The following ZNF618 variants were observed in gnomAD, a reference collection of about 807,000 sequenced individuals.
ZNF618 encodes the protein zinc finger protein 618, also known as neural precursor cell expressed, developmentally down-regulated 10.
In ZNF618, 34 loss-of-function variants were observed where a neutral mutation model predicts 103.0. That is an observed-to-expected ratio of 0.33 (90% confidence interval 0.25 to 0.44). ZNF618 has a LOEUF of 0.44. ZNF618 is among the 20% of genes least tolerant of loss of function. The probability of loss-of-function intolerance (pLI) is 1.00; values close to 1 mark genes in which losing one functional copy is unlikely to be tolerated. For synonymous variants in ZNF618, 551 were observed against 542.2 expected (o/e 1.02, Z -0.23); for missense variants, 1,059 against 1,295.4 (o/e 0.82, Z 2.80).
At chr9:113,986,213 C>T (rs140867106) in intron 2 of ZNF618, among the ~76,000 whole-genome samples, 11 of 152,324 alleles carry the variant, frequency 7.2e-5, no homozygotes, top group African/African-American at 2.6e-4. Flanking sequence ...CCTGTTACCT[C>T]CATTTTGCAG....
chr9:113,916,359 G>A (rs960609125), intron 1 of ZNF618, among the ~76,000 whole-genome samples: 1 of 152,182 alleles, frequency 6.6e-6, no homozygotes, highest in Non-Finnish European at 1.5e-5. Context: ...TTCATTTGCT[G>A]TTTGTGCCTT....
chr9:114,022,034 A>T (rs1177039317), intron 10 of ZNF618, among the ~76,000 whole-genome samples: 2 of 152,130 alleles, frequency 1.3e-5, no homozygotes, highest in African/African-American at 2.4e-5. Flanking sequence ...TTCTGGAGCT[A>T]ATACAAATAA....
chr9:114,026,545 G>A (rs1257563176), intron 10 of ZNF618, among the ~76,000 whole-genome samples: 1 of 152,240 alleles, frequency 6.6e-6, no homozygotes, highest in Non-Finnish European at 1.5e-5. Flanking sequence ...CAGAAACTCT[G>A]TTCCTGTGTG....
At chr9:113,950,659 C>G (rs1187935188) in intron 1 of ZNF618, among the ~76,000 whole-genome samples, 1 of 152,174 alleles carries the variant, frequency 6.6e-6, no homozygotes, top group African/African-American at 2.4e-5. Flanking sequence ...GTCTCTGCCT[C>G]CAGGCTGCCC....
At chr9:114,011,157 T>G (rs758197051) in intron 9 of ZNF618, among the ~76,000 whole-genome samples, 28 of 152,240 alleles carry the variant, frequency 1.8e-4, no homozygotes, top group Non-Finnish European at 3.4e-4. Context: ...ACCAGTTTTC[T>G]AATCTGTCTA....
chr9:113,959,355 C>CT (rs1836627358), intron 1 of ZNF618, among the ~76,000 whole-genome samples: 1 of 152,140 alleles, frequency 6.6e-6, no homozygotes, highest in Non-Finnish European at 1.5e-5. Flanking sequence ...AAAAACCTCA[C>CT]TCTTTGAAAC....
chr9:114,020,814 A>T (rs1320560324), intron 10 of ZNF618, among the ~76,000 whole-genome samples: 5 of 151,798 alleles, frequency 3.3e-5, no homozygotes. Context: ...TATTCTGGTT[A>T]GGTCCCTCCA....
chr9:113,923,500 A>G (rs1286104573), intron 1 of ZNF618, among the ~76,000 whole-genome samples: 1 of 152,098 alleles, frequency 6.6e-6, no homozygotes, highest in Non-Finnish European at 1.5e-5. Flanking sequence ...TTTTATTATG[A>G]ATGAGTGTCA....
rs1485946230 is a variant in ZNF618 at position 113,894,202 on chromosome 9, AT to A, written c.33+17790del. Among the ~76,000 whole-genome samples the A allele has an allele frequency of 1.2e-4, 18 of 152,144 alleles. No individual in the cohort carries two copies. In the East Asian group the frequency reaches 2.5e-3, roughly 21 times the overall value. ...TATGCTGATAGTTTGTATTTGGAGG[AT>A]GATTCTTCATCTTTCAAAATCTTAA... is the stretch of plus-strand genomic sequence containing the variant. On this transcript the variant is annotated intron_variant, in intron 1 of 14. Coordinates refer to ENST00000374126, the MANE Select transcript of ZNF618 (RefSeq NM_001318042.2).
In ZNF618 at chr9:114,007,341, C is replaced by A; in HGVS notation, c.551-9C>A. 1 of 1,612,976 alleles carries A rather than the reference C, an allele frequency of 6.2e-7. No homozygotes were observed. ...CTGGTAACCAGGTGTGTGTTTTCATCCCATGCAGACAATTTCAGGTACACA... is the reference window on the plus strand; with the variant it reads ...CTGGTAACCAGGTGTGTGTTTTCATACCATGCAGACAATTTCAGGTACACA... On this transcript the variant is annotated splice_polypyrimidine_tract_variant and intron_variant, in intron 6 of 14. Transcript: ENST00000374126.
intron 1 of ZNF618, among the ~76,000 whole-genome samples, chr9:113,957,943 C>T (rs16910968): frequency 0.052 from 7,896 of 151,874 alleles, 247 homozygotes; most frequent in African/African-American, 0.088. Flanking sequence ...GGTTTTAACT[C>T]GCTCCAGGCG....
rs1325038529 is a variant in ZNF618 at position 114,050,181 on chromosome 9, G to T, written c.*14G>T. ...AACATGCTTTAAGACTTGACTTCGGGGGAAAAAAAAAGAAAAAGAGAAGAT... is the reference window on the plus strand; with the variant it reads ...AACATGCTTTAAGACTTGACTTCGGTGGAAAAAAAAAGAAAAAGAGAAGAT... On this transcript the variant is annotated 3_prime_UTR_variant, in exon 15 of 15. Coordinates refer to ENST00000374126, the MANE Select transcript of ZNF618 (RefSeq NM_001318042.2). The T allele has an allele frequency of 1.3e-6, 2 of 1,520,530 alleles. No individual in the cohort carries two copies. The highest frequency in any genetic ancestry group is 1.7e-6 in the Non-Finnish European group (2 of 1,143,148). 94.2% of individuals were successfully genotyped at this position (1,520,530 alleles called of 1,614,324 possible).
At position 113,925,549 on chromosome 9, in the gene ZNF618, T is replaced by A. The variant is rs192800310; in HGVS notation, c.34-43568T>A. 9.6e-4 allele frequency among the ~76,000 whole-genome samples: 146 copies of A among 152,164 alleles called. 1 individual carries two copies. Among genetic ancestry groups the A allele is most frequent in the South Asian group, 9.3e-3 (45 of 4,826 alleles). The stretch of plus-strand genomic sequence containing the variant: ...TGGTATATTAATATTACCACATTTA[T>A]AATTGTTTTCTATTTGTTGCCCTTG... On this transcript the variant is annotated intron_variant, in intron 1 of 14. Transcript: ENST00000374126.
intron 1 of ZNF618, among the ~76,000 whole-genome samples, chr9:113,950,314 C>A (rs1835442861): frequency 6.6e-6 from 1 of 152,194 alleles, no homozygotes. Flanking sequence ...TCTCTGGGTT[C>A]CTGGCTCTGC....
chr9:114,016,300 G>A (rs755141873), intron 9 of ZNF618: 12 of 765,090 alleles, frequency 1.6e-5, no homozygotes, highest in Non-Finnish European at 2.6e-5. Context: ...GCAGAGGGCA[G>A]GGCTTGCAAA....
intron 2 of ZNF618, among the ~76,000 whole-genome samples, chr9:113,976,762 A>G (rs1838507187): frequency 6.6e-6 from 1 of 152,066 alleles, no homozygotes; most frequent in South Asian, 2.1e-4. Context: ...ACAGCCTGTG[A>G]GCTCATCTTT....
intron 10 of ZNF618, 146 bp from the exon 11 acceptor site, chr9:114,028,587 T>G: frequency 8.2e-7 from 1 of 1,220,340 alleles, no homozygotes. Context: ...TGGCTCTGAG[T>G]TAAGTGAGAA....
chr9:113,879,540 C>T (rs1190624787), intron 1 of ZNF618, among the ~76,000 whole-genome samples: 3 of 151,610 alleles, frequency 2.0e-5, no homozygotes, highest in Non-Finnish European at 4.4e-5. Context: ...TGACCTTGGC[C>T]TTGGCTCTCT....
At chr9:113,919,221 T>C (rs2131604118) in intron 1 of ZNF618, among the ~76,000 whole-genome samples, 1 of 152,164 alleles carries the variant, frequency 6.6e-6, no homozygotes, top group African/African-American at 2.4e-5. Context: ...TGGACCTGCT[T>C]GTGGCTAATG....
Sources: gnomAD v4.1 joint callset for allele counts (sites outside exome capture counted in the v4.1 genomes callset) on GRCh38, gnomAD v4.1.1 for gene constraint, MANE v1.5 for transcripts, NCBI Gene and HGNC (gene_info 2026-07-23, HGNC 2026-07-21) for gene names.